Variants in HDAC9 observed in about 807,000 individuals in gnomAD.
HDAC9 encodes histone deacetylase 9.
A neutral mutation model predicts 139.4 loss-of-function variants in HDAC9; 41 were observed. The observed-to-expected ratio is 0.29, with a 90% confidence interval of 0.23 to 0.38. The LOEUF (loss-of-function observed/expected upper bound fraction) is 0.38. Ranked by LOEUF, HDAC9 falls within the 10% of genes least tolerant of loss-of-function variation. The pLI is 1.00. For synonymous variants in HDAC9, 517 were observed against 476.2 expected (o/e 1.09, Z -1.12); for missense variants, 1,147 against 1,297.0 (o/e 0.88, Z 1.78).
chr7:18,647,711 T>G, intron 9 of HDAC9, 74 bp from the exon 10 acceptor site: 1 of 1,270,790 alleles, frequency 7.9e-7, no homozygotes, highest in East Asian at 2.5e-5. Context: ...ATAGGAAACT[T>G]GTCTAATGAT....
chr7:18,859,665 A>G (rs545932385), intron 21 of HDAC9, among the ~76,000 whole-genome samples: 1 of 151,670 alleles, frequency 6.6e-6, no homozygotes, highest in East Asian at 1.9e-4. Context: ...CTTGAAAAGG[A>G]TGTCATGCTG....
intron 22 of HDAC9, among the ~76,000 whole-genome samples, chr7:18,932,942 T>C (rs1394585211): frequency 6.6e-6 from 1 of 152,092 alleles, no homozygotes; most frequent in East Asian, 1.9e-4. Flanking sequence ...ATATTTATAA[T>C]ATACATGTGC....
chr7:18,663,989 G>C (rs801522), intron 11 of HDAC9, among the ~76,000 whole-genome samples: 6,933 of 152,130 alleles, frequency 0.046, 496 homozygotes, highest in African/African-American at 0.15. Flanking sequence ...GCCAAAACTA[G>C]GAATTTTTCT....
intron 1 of HDAC9, chr7:18,325,637 A>G (rs1249459575): frequency 3.3e-5 from 5 of 152,110 alleles, no homozygotes; most frequent in African/African-American, 1.2e-4. Context: ...GGGATATTTA[A>G]CTTCAGTTCG....
chr7:18,915,060 C>T (rs1389087751), intron 22 of HDAC9, among the ~76,000 whole-genome samples: 2 of 151,976 alleles, frequency 1.3e-5, no homozygotes, highest in Non-Finnish European at 2.9e-5. Flanking sequence ...GATATATGAC[C>T]ACTGACTGAC....
intron 19 of HDAC9, among the ~76,000 whole-genome samples, chr7:18,834,380 G>GT (rs141925606): frequency 0.029 from 4,255 of 146,380 alleles, 115 homozygotes; most frequent in African/African-American, 0.067. Flanking sequence ...TAATTGAGGT[G>GT]TTTTTTTTTT....
At chr7:18,249,979 A>G (rs535623084) in intron 2 of HDAC9, among the ~76,000 whole-genome samples, 1 of 152,346 alleles carries the variant, frequency 6.6e-6, no homozygotes, top group African/African-American at 2.4e-5. Flanking sequence ...TGTGAAGTAA[A>G]TAACCATCTA....
Position 18,504,001 on chromosome 7 carries a change from C to T in HDAC9, c.22+7677C>T, listed in dbSNP as rs114282422. On this transcript the variant is annotated intron_variant, in intron 2 of 25. Transcript: ENST00000686413. ...AAATAAGTAAATTTCACTGAGTTTTCATTAAATGACATCATAGCTTGGGAG... is the reference window on the plus strand; with the variant it reads ...AAATAAGTAAATTTCACTGAGTTTTTATTAAATGACATCATAGCTTGGGAG... Among the ~76,000 whole-genome samples the T allele has an allele frequency of 6.2e-3, 947 of 152,258 alleles. 10 individuals are homozygous for T. The highest frequency in any genetic ancestry group is 0.022 in the African/African-American group (917 of 41,558).
chr7:18,501,951 T>A (rs1281502575), intron 2 of HDAC9, among the ~76,000 whole-genome samples: 2 of 152,076 alleles, frequency 1.3e-5, no homozygotes, highest in South Asian at 4.1e-4. Flanking sequence ...GATAAAGTAG[T>A]TGGGTGGTTA....
intron 22 of HDAC9, among the ~76,000 whole-genome samples, chr7:18,932,771 GAGAA>G (rs1403590918): frequency 1.3e-5 from 2 of 149,864 alleles, no homozygotes; most frequent in Non-Finnish European, 3.0e-5. Context: ...GAGAAAGAGA[GAGAA>G]AGAACGTAAG....
chr7:18,592,866 A>G (rs1005055943), intron 5 of HDAC9, among the ~76,000 whole-genome samples: 8 of 152,292 alleles, frequency 5.3e-5, no homozygotes, highest in Admixed American at 2.6e-4. Context: ...TAGCTAATTC[A>G]TAATTCAAAA....
intron 3 of HDAC9, among the ~76,000 whole-genome samples, chr7:18,589,160 C>T (rs1051296880): frequency 2.0e-5 from 3 of 151,988 alleles, no homozygotes; most frequent in Non-Finnish European, 4.4e-5. Context: ...TCAGTGTGCA[C>T]ATTTACTATA....
intron 1 of HDAC9, among the ~76,000 whole-genome samples, chr7:18,148,654 T>G (rs539634678): frequency 2.8e-4 from 42 of 152,178 alleles, no homozygotes; most frequent in African/African-American, 1.0e-3. Flanking sequence ...GAGATGGGAT[T>G]TCACCATGTT....
At chr7:18,905,611 T>TA (rs34173167) in intron 22 of HDAC9, among the ~76,000 whole-genome samples, 89,866 of 151,944 alleles carry the variant, frequency 0.59, 26,873 homozygotes, top group African/African-American at 0.61. Flanking sequence ...TAAACCCTTT[T>TA]AAAATGTTTT....
intron 2 of HDAC9, among the ~76,000 whole-genome samples, chr7:18,223,255 G>A (rs904387175): frequency 5.3e-5 from 8 of 151,920 alleles, no homozygotes; most frequent in South Asian, 2.1e-4. Context: ...ATTTACATAC[G>A]TCTTTTTCTT....
intron 22 of HDAC9, among the ~76,000 whole-genome samples, chr7:18,903,622 T>C (rs1038643246): frequency 6.6e-6 from 1 of 152,190 alleles, no homozygotes; most frequent in Admixed American, 6.5e-5. Flanking sequence ...GCAGAAAATG[T>C]TGACAGCTTT....
chr7:18,769,408 C>A (rs980540599), intron 16 of HDAC9, among the ~76,000 whole-genome samples: 6 of 152,104 alleles, frequency 3.9e-5, no homozygotes, highest in African/African-American at 1.2e-4. Flanking sequence ...GCTGACCTCA[C>A]CTGGATGGTG....
At chr7:18,850,462 C>G (rs1190922505) in intron 21 of HDAC9, among the ~76,000 whole-genome samples, 1 of 152,192 alleles carries the variant, frequency 6.6e-6, no homozygotes, top group African/African-American at 2.4e-5. Context: ...ATGCTTTCTT[C>G]TGTGGACCAT....
chr7:18,197,671 C>T (rs950470096), intron 2 of HDAC9, among the ~76,000 whole-genome samples: 6 of 152,124 alleles, frequency 3.9e-5, no homozygotes, highest in African/African-American at 9.7e-5. Flanking sequence ...ATATTGGTGG[C>T]AGAGCTCTCT....
Sources: gnomAD v4.1 joint callset for allele counts (sites outside exome capture counted in the v4.1 genomes callset) on GRCh38, gnomAD v4.1.1 for gene constraint, MANE v1.5 for transcripts, NCBI Gene and HGNC (gene_info 2026-07-23, HGNC 2026-07-21) for gene names.